MCF2L2: variants seen among roughly 807,000 people sequenced by gnomAD.
MCF2L2 encodes the protein MCF.2 cell line derived transforming sequence-like 2.
Under a neutral mutation model 150.2 loss-of-function variants are expected in MCF2L2, and 102 were observed. The observed-to-expected ratio is 0.68, with a 90% confidence interval of 0.58 to 0.80. The LOEUF is 0.80. Among genes scored for constraint, MCF2L2 ranks in the 30% least tolerant of loss-of-function variants. MCF2L2 has a pLI of 0.00. For synonymous variants in MCF2L2, 465 were observed against 491.3 expected, an observed-to-expected ratio of 0.95 and a Z score of 0.71; for missense variants, 1,256 against 1,372.8, an observed-to-expected ratio of 0.91 and a Z score of 1.34.
At chr3:183,200,581 C>T (rs1335124161) in intron 25 of MCF2L2, among the ~76,000 whole-genome samples, 3 of 152,172 alleles carry the variant, frequency 2.0e-5, no homozygotes, top group Admixed American at 2.0e-4. Flanking sequence ...GTTGCCTGTT[C>T]ACTCTGATGG....
chr3:183,196,830 T>C (rs1722098721), intron 25 of MCF2L2, among the ~76,000 whole-genome samples: 1 of 152,136 alleles, frequency 6.6e-6, no homozygotes, highest in Admixed American at 6.6e-5. Flanking sequence ...TGGGTCCTGG[T>C]TTTGCTTCTT....
At chr3:183,342,604 TTGATG>T (rs1730745162) in intron 3 of MCF2L2, among the ~76,000 whole-genome samples, 1 of 148,926 alleles carries the variant, frequency 6.7e-6, no homozygotes, top group African/African-American at 2.5e-5. Context: ...ACCTATGAGG[TTGATG>T]TGAAGATTAA....
intron 1 of MCF2L2, among the ~76,000 whole-genome samples, chr3:183,417,270 TC>T (rs1715649758): frequency 6.6e-6 from 1 of 151,762 alleles, no homozygotes; most frequent in Admixed American, 6.6e-5. Context: ...CTGGAACCAA[TC>T]CCCCTTGGAT....
At chr3:183,398,566 AAAAAAAG>A (rs1358723445) in intron 1 of MCF2L2, among the ~76,000 whole-genome samples, 1 of 147,048 alleles carries the variant, frequency 6.8e-6, no homozygotes, top group African/African-American at 2.7e-5. Flanking sequence ...TTTTTTCTTT[AAAAAAAG>A]AAAAAAGGGA....
chr3:183,346,119 A>C (rs1297817166), intron 3 of MCF2L2, among the ~76,000 whole-genome samples: 1 of 152,228 alleles, frequency 6.6e-6, no homozygotes, highest in Non-Finnish European at 1.5e-5. Context: ...CACAACAAAA[A>C]AAGAAAATTT....
chr3:183,273,163 A>AAT, intron 15 of MCF2L2: 1 of 551,748 alleles, frequency 1.8e-6, no homozygotes. Context: ...ACAAAGGGAA[A>AAT]ATAAACTATC....
At chr3:183,230,113 T>G (rs998681511) in intron 16 of MCF2L2, among the ~76,000 whole-genome samples, 4 of 152,292 alleles carry the variant, frequency 2.6e-5, no homozygotes, top group Non-Finnish European at 5.9e-5. Context: ...CTATTATTAT[T>G]ATGATTATTA....
intron 1 of MCF2L2, among the ~76,000 whole-genome samples, chr3:183,414,298 C>T (rs66496856): frequency 0.1 from 15,354 of 152,068 alleles, 842 homozygotes; most frequent in African/African-American, 0.15. Flanking sequence ...TTTCTTGAGT[C>T]ATTTTTGGTA....
At chr3:183,411,008 G>A (rs1275014932) in intron 1 of MCF2L2, among the ~76,000 whole-genome samples, 1 of 152,158 alleles carries the variant, frequency 6.6e-6, no homozygotes, top group Non-Finnish European at 1.5e-5. Context: ...CTGCTCTGAG[G>A]TTCTGTGAGA....
chr3:183,355,613 ATTTTTTTT>A (rs71185653), intron 3 of MCF2L2, among the ~76,000 whole-genome samples: 11 of 84,434 alleles, frequency 1.3e-4, no homozygotes, highest in Middle Eastern at 9.8e-3. Flanking sequence ...CGCCCAGCTA[ATTTTTTTT>A]TTTTTTTTTT....
intron 25 of MCF2L2, among the ~76,000 whole-genome samples, 163 bp from the exon 26 acceptor site, chr3:183,195,418 G>A (rs529403485): frequency 1.3e-5 from 2 of 152,108 alleles, no homozygotes; most frequent in African/African-American, 4.8e-5. Flanking sequence ...TTCAGAAAAC[G>A]CTGCTACAGT....
chr3:183,324,387 G>A (rs1026690217), intron 5 of MCF2L2, among the ~76,000 whole-genome samples: 1 of 152,156 alleles, frequency 6.6e-6, no homozygotes, highest in Non-Finnish European at 1.5e-5. Context: ...TCCTGAGTGG[G>A]ACAAGGACTC....
At chr3:183,293,444 A>T (rs1321271906) in intron 13 of MCF2L2, among the ~76,000 whole-genome samples, 5 of 152,198 alleles carry the variant, frequency 3.3e-5, no homozygotes, top group African/African-American at 7.2e-5. Flanking sequence ...AATCATTGTA[A>T]TTTACCATAT....
intron 19 of MCF2L2, 129 bp from the exon 20 acceptor site, chr3:183,223,567 CCATAAGG>C (rs1226386683): frequency 3.0e-6 from 2 of 664,438 alleles, no homozygotes; most frequent in Non-Finnish European, 5.4e-6. Context: ...TCGAGCAGCT[CCATAAGG>C]CTGTGGGGTT....
intron 21 of MCF2L2, among the ~76,000 whole-genome samples, chr3:183,218,766 CCTCCTTCACAA>C (rs1237751633): frequency 6.6e-6 from 1 of 152,122 alleles, no homozygotes; most frequent in Non-Finnish European, 1.5e-5. Flanking sequence ...TTCCGCTAAC[CCTCCTTCACAA>C]AACACGAGGT....
chr3:183,263,737 G>A (rs535810190), intron 15 of MCF2L2, among the ~76,000 whole-genome samples: 19 of 152,168 alleles, frequency 1.2e-4, no homozygotes, highest in Admixed American at 3.3e-4. Context: ...AACTCAATGC[G>A]AGTCTAAAAT....
intron 13 of MCF2L2, among the ~76,000 whole-genome samples, chr3:183,289,654 G>A (rs1343212324): frequency 1.3e-5 from 2 of 152,142 alleles, no homozygotes; most frequent in African/African-American, 4.8e-5. Flanking sequence ...TCAGGAGTTC[G>A]AGACCAGCCC....
chr3:183,269,090 T>C (rs1288412810), intron 15 of MCF2L2, among the ~76,000 whole-genome samples: 1 of 152,182 alleles, frequency 6.6e-6, no homozygotes, highest in African/African-American at 2.4e-5. Context: ...TTTACTGCTG[T>C]GAATTTTCTT....
At chr3:183,351,201 T>TCAGAACCCC (rs1731107343) in intron 3 of MCF2L2, among the ~76,000 whole-genome samples, 1 of 64,256 alleles carries the variant, frequency 1.6e-5, no homozygotes, top group Non-Finnish European at 2.7e-5. Flanking sequence ...TATATATATA[T>TCAGAACCCC]ATATATATAT....
Sources: gnomAD v4.1 joint callset for allele counts (sites outside exome capture counted in the v4.1 genomes callset) on GRCh38, gnomAD v4.1.1 for gene constraint, MANE v1.5 for transcripts, NCBI Gene and HGNC (gene_info 2026-07-23, HGNC 2026-07-21) for gene names.